PRR12: variants seen among roughly 807,000 people sequenced by gnomAD.
PRR12 encodes the protein proline rich 12, also known as proline-rich protein 12.
A neutral mutation model predicts 138.0 loss-of-function variants in PRR12; 12 were observed. The ratio of observed to expected loss-of-function variants is 0.09; its 90% CI spans 0.06 to 0.14. The LOEUF (loss-of-function observed/expected upper bound fraction) is 0.14. Ranked by LOEUF, PRR12 falls within the 10% of genes least tolerant of loss-of-function variation. The probability of loss-of-function intolerance (pLI) is 1.00; values close to 1 mark genes in which losing one functional copy is unlikely to be tolerated. For missense variants in PRR12, 2,692 were observed against 2,861.3 expected, an observed-to-expected ratio of 0.94 and a Z score of 1.35; for synonymous variants, 1,567 against 1,291.7, an observed-to-expected ratio of 1.21 and a Z score of -4.57.
Position 49,596,750 on chromosome 19 carries a change from C to T in PRR12, c.2415C>T (p.Val805=), listed in dbSNP as rs2080772632. The T allele has an allele frequency of 6.2e-7, 1 of 1,604,432 alleles. No individual in the cohort carries two copies. The highest frequency in any genetic ancestry group is 8.5e-7 in the Non-Finnish European group (1 of 1,178,872). The change falls in exon 4 of 14, where the codon GTC becomes GTT. Residue 805 remains valine (V), a synonymous_variant. Coordinates refer to ENST00000418929, the MANE Select transcript of PRR12 (RefSeq NM_020719.3). The surrounding 1 kb of genome is among the most constrained non-coding windows in gnomAD (Gnocchi z 5.6). ...PPPPPQLLPS[V]LSHAPSPSPS... ...CTCCCCCCCAGCTGCTCCCCTCGGT[C>T]CTCAGCCATGCCCCCAGTCCCTCTC...
intron 11 of PRR12, 130 bp downstream of exon 11, chr19:49,621,752 A>G (rs1334964830): frequency 5.5e-6 from 4 of 732,284 alleles, no homozygotes; most frequent in East Asian, 2.7e-5. Flanking sequence ...GATGGGAGAA[A>G]AGTTGAGGGC....
At chr19:49,608,724 C>T (rs182694792) in intron 6 of PRR12, among the ~76,000 whole-genome samples, 3 of 152,010 alleles carry the variant, frequency 2.0e-5, no homozygotes, top group South Asian at 2.1e-4. Context: ...CCTGTAGTCC[C>T]GGCTACTGGA....
At chr19:49,613,829 C>T (rs1043746585) in intron 6 of PRR12, among the ~76,000 whole-genome samples, 2 of 152,172 alleles carry the variant, frequency 1.3e-5, no homozygotes, top group Non-Finnish European at 2.9e-5. Flanking sequence ...AGAGATTTGG[C>T]TGGGCTTGGT....
Position 49,625,409 on chromosome 19 carries a change from T to C in PRR12, c.5965-52T>C. ...AGGCCCCATGCCCCAGCCCCTTCCC[T>C]CCCCAGAGGCCGGTGTGCCACCCTC... On this transcript the variant is annotated intron_variant, in intron 13 of 13. Transcript: ENST00000418929. The surrounding 1 kb of genome is among the most constrained non-coding windows in gnomAD (Gnocchi z 5.5). The C allele has an allele frequency of 6.7e-7, 1 of 1,500,676 alleles. No homozygotes were observed. The highest frequency in any genetic ancestry group is 8.9e-7 in the Non-Finnish European group (1 of 1,118,040). The allele number at this position is 1,500,676 out of a possible 1,614,324, so 93.0% of individuals were successfully genotyped here.
intron 5 of PRR12, among the ~76,000 whole-genome samples, chr19:49,600,662 A>T (rs1009685073): frequency 2.7e-5 from 4 of 150,416 alleles, no homozygotes; most frequent in African/African-American, 4.9e-5. Flanking sequence ...TAAACAAAAA[A>T]CCCCAAAAAC....
intron 6 of PRR12, among the ~76,000 whole-genome samples, chr19:49,602,129 C>T (rs1406106982): frequency 6.6e-6 from 1 of 152,174 alleles, no homozygotes; most frequent in African/African-American, 2.4e-5. Context: ...CATGCATTAC[C>T]TGTATATAAG....
Position 49,597,869 on chromosome 19 carries a change from C to A in PRR12, c.3534C>A (p.Pro1178=). 3 of 1,451,934 alleles carry A rather than the reference C, an allele frequency of 2.1e-6. No homozygotes were observed. Among genetic ancestry groups the A allele is most frequent in the Non-Finnish European group, 2.7e-6 (3 of 1,104,212 alleles). 89.9% of individuals were successfully genotyped at this position (1,451,934 alleles called of 1,614,324 possible). The change falls in exon 4 of 14, where the codon CCC becomes CCA. Residue 1178 remains proline (P), a synonymous_variant. Transcript: ENST00000418929. The surrounding 1 kb of genome is among the most constrained non-coding windows in gnomAD (Gnocchi z 6.3). The part of the protein sequence containing the change: ...PRPRGRPRIR[P]LEVPTTAGPA... ...CACGGGGGAGGCCCCGGATCCGCCCCCTGGAGGTCCCGACCACTGCGGGGC... is the reference window on the plus strand; with the variant it reads ...CACGGGGGAGGCCCCGGATCCGCCCACTGGAGGTCCCGACCACTGCGGGGC...
chr19:49,615,924 C>A lies in PRR12; in HGVS notation c.5202C>A (p.Leu1734=). The A allele has an allele frequency of 2.6e-6, 4 of 1,557,880 alleles. No homozygotes were observed. Among genetic ancestry groups the A allele is most frequent in the Non-Finnish European group, 3.5e-6 (4 of 1,150,624 alleles). The part of the protein sequence containing the change: ...PEPPAPEKPS[L]LRPVEKEKEK... The stretch of plus-strand genomic sequence containing the variant: ...CCCCTGCCCCCGAGAAGCCCTCCCT[C>A]CTGCGGCCTGTTGAGAAGGAAAAGG... Residue 1734 remains leucine (L), a synonymous_variant, in exon 9 of 14, where the codon CTC becomes CTA. Transcript: ENST00000418929.
Position 49,615,020 on chromosome 19 carries a change from T to A in PRR12, c.5024+11T>A. 1 of 1,612,866 alleles carries A rather than the reference T, an allele frequency of 6.2e-7. No individual in the cohort carries two copies. Among genetic ancestry groups the A allele is most frequent in the Non-Finnish European group, 8.5e-7 (1 of 1,179,664 alleles). On this transcript the variant is annotated intron_variant, in intron 8 of 13. Coordinates refer to ENST00000418929, the MANE Select transcript of PRR12 (RefSeq NM_020719.3). Reference sequence around the variant, plus strand: ...CCCAGTGCCAGTCAGGTACCAACCATGGGGGACACAGGGGCAGGTAGTATG... The same window carrying A: ...CCCAGTGCCAGTCAGGTACCAACCAAGGGGGACACAGGGGCAGGTAGTATG...
At chr19:49,591,877 C>G in intron 1 of PRR12, 137 bp downstream of exon 1, 2 of 472,956 alleles carry the variant, frequency 4.2e-6, no homozygotes, top group South Asian at 1.6e-4. Context: ...CGGCCTTCCT[C>G]GGTTTGTAAC....
At chr19:49,604,470 G>C (rs1278157576) in intron 6 of PRR12, among the ~76,000 whole-genome samples, 1 of 151,764 alleles carries the variant, frequency 6.6e-6, no homozygotes, top group Non-Finnish European at 1.5e-5. Context: ...CTGAGGTCAA[G>C]AGTTCAAGAC....
rs961780065 is a variant in PRR12 at position 49,599,124 on chromosome 19, C to G, written c.3679-148C>G. 16 of 773,194 alleles carry G rather than the reference C, an allele frequency of 2.1e-5. No individual in the cohort carries two copies. Among genetic ancestry groups the G allele is most frequent in the Admixed American group, 9.5e-5 (3 of 31,502 alleles). 47.9% of individuals were successfully genotyped at this position (773,194 alleles called of 1,614,324 possible). On this transcript the variant is annotated intron_variant, in intron 4 of 13. Transcript: ENST00000418929. The surrounding 1 kb of genome is among the most constrained non-coding windows in gnomAD (Gnocchi z 5.0). ...AGGGAGGAACTCCAGTCTTGTCCTC[C>G]TAGAATCTAAGACAAGGGGTCTGCA... is the stretch of plus-strand genomic sequence containing the variant.
chr19:49,596,844 C>T lies in PRR12; in HGVS notation c.2509C>T (p.Pro837Ser). Residue 837 changes from proline (P) to serine (S), a missense_variant, in exon 4 of 14, where the codon CCA (proline) becomes TCA (serine). This residue lies in a region of PRR12 where 840 missense variants were observed against 689.8 expected (regional missense o/e 1.22). Coordinates refer to ENST00000418929, the MANE Select transcript of PRR12 (RefSeq NM_020719.3). This position sits in a 1 kb window ranked among gnomAD's most constrained non-coding sequence, Gnocchi z 5.6. ...ATRDGAPQPP[P>S]PPPPPPPPMP... ...CCGCGATGGGGCACCCCAGCCACCT[C>T]CACCGCCACCCCCGCCTCCACCACC... 2.2e-5 allele frequency: 21 copies of T among 968,316 alleles called. No individual in the cohort carries two copies. Among genetic ancestry groups the T allele is most frequent in the Non-Finnish European group, 2.7e-5 (18 of 668,060 alleles). 60.0% of individuals were successfully genotyped at this position (968,316 alleles called of 1,614,324 possible). A position where few individuals can be genotyped will look rare whatever the true frequency, so the allele number is the denominator to read the frequency against.
rs1007140307 is a variant in PRR12 at position 49,614,812 on chromosome 19, G to A, written c.4891-64G>A. The A allele has an allele frequency of 3.7e-6, 6 of 1,609,738 alleles. No individual in the cohort carries two copies. The highest frequency in any genetic ancestry group is 5.1e-6 in the Non-Finnish European group (6 of 1,176,722). On this transcript the variant is annotated intron_variant, in intron 7 of 13. Coordinates refer to ENST00000418929, the MANE Select transcript of PRR12 (RefSeq NM_020719.3). The surrounding 1 kb of genome is among the most constrained non-coding windows in gnomAD (Gnocchi z 5.0). ...AGCTGCCATGGTGGCCCAGGGCACGGGGGTGTTGGCCATCTGGCTGGGCAG... is the reference window on the plus strand; with the variant it reads ...AGCTGCCATGGTGGCCCAGGGCACGAGGGTGTTGGCCATCTGGCTGGGCAG...
rs561226245 is a variant in PRR12, at chr19:49,594,420, C to G, written c.200-34C>G. 540 of 1,522,342 alleles carry G rather than the reference C, an allele frequency of 3.5e-4. No individual in the cohort carries two copies. Among genetic ancestry groups the G allele is most frequent in the Non-Finnish European group, 4.4e-4 (496 of 1,133,634 alleles). 94.3% of individuals were successfully genotyped at this position (1,522,342 alleles called of 1,614,324 possible). Reference sequence around the variant, plus strand: ...CTCTTGACTGTATCCTACCCACCCCCACCTGGCTGACTATAACCCCTGTCC... The same window carrying G: ...CTCTTGACTGTATCCTACCCACCCCGACCTGGCTGACTATAACCCCTGTCC... On this transcript the variant is annotated intron_variant, in intron 2 of 13. Transcript: ENST00000418929. The surrounding 1 kb of genome is among the most constrained non-coding windows in gnomAD (Gnocchi z 5.6).
Position 49,597,953 on chromosome 19 carries a change from C to A in PRR12, c.3618C>A (p.Gly1206=), listed in dbSNP as rs769878202. ...AGAAACCCCGGGGCCGGGGCCGAGG[C>A]CGGGGTCGAAAGGCTGAGGAGGCAG... ...GAKKPRGRGR[G]RGRKAEEAGG... The change falls in exon 4 of 14, where the codon GGC becomes GGA. Residue 1206 remains glycine, a synonymous_variant. Transcript: ENST00000418929. This position sits in a 1 kb window ranked among gnomAD's most constrained non-coding sequence, Gnocchi z 6.3. The A allele has an allele frequency of 7.1e-7, 1 of 1,400,820 alleles. No homozygotes were observed. The highest frequency in any genetic ancestry group is 9.2e-7 in the Non-Finnish European group (1 of 1,081,082). 86.8% of individuals were successfully genotyped at this position (1,400,820 alleles called of 1,614,324 possible). A position where few individuals can be genotyped will look rare whatever the true frequency, so the allele number is the denominator to read the frequency against.
At chr19:49,606,897 C>T (rs1473802391) in intron 6 of PRR12, among the ~76,000 whole-genome samples, 2 of 152,034 alleles carry the variant, frequency 1.3e-5, no homozygotes, top group African/African-American at 2.4e-5. Context: ...CAAAAACAAG[C>T]CATAGACCAT....
rs1312869973 is a variant in PRR12 at position 49,595,408 on chromosome 19, C to T, written c.1073C>T (p.Ala358Val). ...KAGPSGATAG[A>V]SGRATGPEAA... ...GGTCCCAGCGGAGCCACGGCTGGGG[C>T]ATCTGGCCGGGCCACGGGCCCTGAG... The change falls in exon 4 of 14, where the codon GCA (alanine) becomes GTA (valine). Residue 358 changes from alanine to valine, a missense_variant. Transcript: ENST00000418929. 7 of 1,543,894 alleles carry T rather than the reference C, an allele frequency of 4.5e-6. No individual in the cohort carries two copies. In the South Asian group the frequency reaches 4.8e-5, roughly 11 times the overall value.
chr19:49,620,316 T>C (rs905658519), intron 9 of PRR12, 36 bp from the exon 10 acceptor site: 1 of 1,610,806 alleles, frequency 6.2e-7, no homozygotes, highest in Admixed American at 1.7e-5. Context: ...TCAGAGGAAA[T>C]TGGGATAACG....
Sources: gnomAD v4.1 joint callset for allele counts (sites outside exome capture counted in the v4.1 genomes callset) on GRCh38, gnomAD v4.1.1 for gene constraint, gnomAD v4.1.1 regional missense constraint, Gnocchi (gnomAD v3.1) non-coding constraint, MANE v1.5 for transcripts, NCBI Gene and HGNC (gene_info 2026-07-23, HGNC 2026-07-21) for gene names.